LTBP1: variants seen among roughly 807,000 people sequenced by gnomAD.
The protein encoded by LTBP1 is latent transforming growth factor beta binding protein 1.
In LTBP1, 129 loss-of-function variants were observed where a neutral mutation model predicts 207.6. That is an observed-to-expected ratio of 0.62 (90% CI 0.54 to 0.72). The LOEUF (loss-of-function observed/expected upper bound fraction) is 0.72, where lower values mean the gene tolerates loss of function less well. Ranked by LOEUF, LTBP1 falls within the 30% of genes least tolerant of loss-of-function variation. LTBP1 has a pLI of 0.00. For missense variants in LTBP1, 2,281 were observed against 2,217.2 expected (o/e 1.03, Z -0.58); for synonymous variants, 963 against 833.7 (o/e 1.16, Z -2.67).
At chr2:33,112,089 A>G (rs950236562) in intron 4 of LTBP1, among the ~76,000 whole-genome samples, 6 of 152,202 alleles carry the variant, frequency 3.9e-5, no homozygotes, top group Non-Finnish European at 8.8e-5. Context: ...TTTTTAAAAG[A>G]TCTCCCAAAT....
At chr2:33,049,859 T>G (rs2076636640) in intron 3 of LTBP1, among the ~76,000 whole-genome samples, 1 of 151,922 alleles carries the variant, frequency 6.6e-6, no homozygotes, top group South Asian at 2.1e-4. Flanking sequence ...TTGTTTTGAA[T>G]GAGACAGAGT....
intron 17 of LTBP1, among the ~76,000 whole-genome samples, 159 bp downstream of exon 17, chr2:33,275,249 AT>A (rs927174205): frequency 2.1e-4 from 32 of 152,276 alleles, no homozygotes; most frequent in African/African-American, 6.3e-4. Flanking sequence ...ATAAAAATGG[AT>A]TTTTTTCCCC....
rs1446305125 is a variant in LTBP1 at position 33,214,993 on chromosome 2, T to A, written c.1702-2559T>A. ...TCGTAGGGTCGTTTCTTATGGAGTC[T>A]GGTACTTTCGAGAGGGCAATTAGAC... On this transcript the variant is annotated intron_variant, in intron 7 of 33. Transcript: ENST00000404816. 3.9e-5 allele frequency among the ~76,000 whole-genome samples: 6 copies of A among 152,258 alleles called. No homozygotes were observed. The East Asian group carries it at 1.2e-3, about 29-fold the overall frequency.
chr2:33,283,987 C>G (rs941676033), intron 19 of LTBP1, among the ~76,000 whole-genome samples: 2 of 152,092 alleles, frequency 1.3e-5, no homozygotes, highest in East Asian at 1.9e-4. Context: ...CTAAACTGGT[C>G]TATCTTCACG....
At chr2:33,044,177 G>A (rs752003982) in intron 3 of LTBP1, among the ~76,000 whole-genome samples, 3 of 151,546 alleles carry the variant, frequency 2.0e-5, no homozygotes, top group Non-Finnish European at 4.4e-5. Context: ...TGCAGAACAT[G>A]GCAGGTATAC....
intron 3 of LTBP1, among the ~76,000 whole-genome samples, chr2:33,063,628 T>C (rs1007285113): frequency 1.3e-5 from 2 of 152,060 alleles, no homozygotes; most frequent in Non-Finnish European, 2.9e-5. Flanking sequence ...ATATTAAAAG[T>C]TTTTTGGGAT....
rs547140645 is a variant in LTBP1, at chr2:33,152,585, G to T, written c.1201+17625G>T. Among the ~76,000 whole-genome samples the T allele has an allele frequency of 1.3e-4, 20 of 152,260 alleles. No individual in the cohort carries two copies. The East Asian group carries it at 3.5e-3, about 26-fold the overall frequency. ...TACTGGGTATCAACCCAGAGGAAAA[G>T]AAGTCATTATACGAAAAAAGATATT... On this transcript the variant is annotated intron_variant, in intron 5 of 33. Transcript: ENST00000404816.
chr2:33,016,343 G>A (rs1688371606), intron 2 of LTBP1, among the ~76,000 whole-genome samples: 1 of 152,032 alleles, frequency 6.6e-6, no homozygotes, highest in South Asian at 2.1e-4. Flanking sequence ...TGAATGAAAG[G>A]GAAAAAAATG....
At chr2:33,252,867 C>A in intron 11 of LTBP1, 23 bp downstream of exon 11, 1 of 1,562,022 alleles carries the variant, frequency 6.4e-7, no homozygotes, top group Non-Finnish European at 8.7e-7. Flanking sequence ...CAGCTGTATG[C>A]GCACATAGAT....
intron 3 of LTBP1, among the ~76,000 whole-genome samples, chr2:33,106,727 A>G (rs1033094329): frequency 1.3e-5 from 2 of 152,174 alleles, no homozygotes; most frequent in African/African-American, 4.8e-5. Flanking sequence ...GAGCACAGGC[A>G]GAGTAGATTT....
At chr2:33,234,797 C>T (rs931781286) in intron 9 of LTBP1, among the ~76,000 whole-genome samples, 2 of 152,098 alleles carry the variant, frequency 1.3e-5, no homozygotes, top group Non-Finnish European at 2.9e-5. Context: ...AAGCTGGAGG[C>T]ATCACACTAC....
chr2:32,956,950 G>C (rs558158728), intron 2 of LTBP1, among the ~76,000 whole-genome samples: 1 of 152,324 alleles, frequency 6.6e-6, no homozygotes, highest in East Asian at 1.9e-4. Flanking sequence ...TCAGTGAGGA[G>C]TAATATTTTG....
intron 5 of LTBP1, among the ~76,000 whole-genome samples, chr2:33,149,476 A>G (rs2083343593): frequency 6.6e-6 from 1 of 152,054 alleles, no homozygotes; most frequent in East Asian, 1.9e-4. Flanking sequence ...TCTGTCACAA[A>G]TGTCTTCCTT....
intron 3 of LTBP1, among the ~76,000 whole-genome samples, chr2:33,065,926 G>A (rs557155283): frequency 2.2e-4 from 33 of 152,122 alleles, no homozygotes; most frequent in African/African-American, 8.0e-4. Flanking sequence ...CTTTTTATCG[G>A]TCTGACAGAT....
At chr2:33,183,510 T>G (rs1300386157) in intron 5 of LTBP1, among the ~76,000 whole-genome samples, 1 of 152,244 alleles carries the variant, frequency 6.6e-6, no homozygotes, top group African/African-American at 2.4e-5. Context: ...AAGTTTGTAT[T>G]TGATGCAGTT....
chr2:33,171,396 G>A (rs1448694554), intron 5 of LTBP1, among the ~76,000 whole-genome samples: 2 of 147,866 alleles, frequency 1.4e-5, no homozygotes, highest in Admixed American at 6.9e-5. Context: ...TCAACTGGAA[G>A]AAAGGGTATC....
chr2:33,240,645 CTTTTTTTTTT>C (rs869193074), intron 9 of LTBP1, among the ~76,000 whole-genome samples: 4 of 100,818 alleles, frequency 4.0e-5, no homozygotes, highest in African/African-American at 8.1e-5. Context: ...TGGAAACATT[CTTTTTTTTTT>C]TTTTTTTTTT....
At chr2:33,223,383 C>G (rs1229028872) in intron 9 of LTBP1, among the ~76,000 whole-genome samples, 1 of 152,138 alleles carries the variant, frequency 6.6e-6, no homozygotes, top group Non-Finnish European at 1.5e-5. Context: ...ATATTGTAAG[C>G]CCTCATGTGT....
chr2:33,337,015 C>G (rs1454513609), intron 24 of LTBP1, among the ~76,000 whole-genome samples: 1 of 152,094 alleles, frequency 6.6e-6, no homozygotes, highest in East Asian at 1.9e-4. Context: ...AAAATTAAAA[C>G]GATTTTAATT....
Sources: gnomAD v4.1 joint callset for allele counts (sites outside exome capture counted in the v4.1 genomes callset) on GRCh38, gnomAD v4.1.1 for gene constraint, MANE v1.5 for transcripts, NCBI Gene and HGNC (gene_info 2026-07-23, HGNC 2026-07-21) for gene names.